ZZZ3: variants seen among roughly 807,000 people sequenced by gnomAD.
ZZZ3 encodes ZZ-type zinc finger-containing protein 3.
ZZZ3 carries 22 observed loss-of-function variants against 95.2 expected under a neutral mutation model. The ratio of observed to expected loss-of-function variants is 0.23; its 90% CI spans 0.17 to 0.33. ZZZ3 has a LOEUF of 0.33. ZZZ3 is among the 10% of genes least tolerant of loss of function. The probability of loss-of-function intolerance (pLI) is 1.00; values close to 1 mark genes in which losing one functional copy is unlikely to be tolerated. For synonymous variants in ZZZ3, 335 were observed against 358.9 expected (o/e 0.93, Z 0.75); for missense variants, 885 against 1,066.5 (o/e 0.83, Z 2.37).
chr1:77,651,382 A>C (rs994541047), intron 1 of ZZZ3, among the ~76,000 whole-genome samples: 2 of 152,132 alleles, frequency 1.3e-5, no homozygotes, highest in Non-Finnish European at 2.9e-5. Flanking sequence ...ATCTGTCTTT[A>C]AAAATAAAAA....
At chr1:77,566,802 C>G (rs1456384517) in intron 13 of ZZZ3, among the ~76,000 whole-genome samples, 1 of 152,164 alleles carries the variant, frequency 6.6e-6, no homozygotes, top group South Asian at 2.1e-4. Flanking sequence ...TCTTTCTCAG[C>G]GTGGTGGCAT....
intron 13 of ZZZ3, among the ~76,000 whole-genome samples, chr1:77,567,157 A>C (rs903102094): frequency 5.9e-5 from 9 of 152,296 alleles, no homozygotes; most frequent in Non-Finnish European, 8.8e-5. Flanking sequence ...GCACCCACCA[A>C]CACCACCAAG....
chr1:77,602,667 G>A (rs534016153), intron 5 of ZZZ3, among the ~76,000 whole-genome samples: 9 of 148,008 alleles, frequency 6.1e-5, no homozygotes, highest in East Asian at 4.0e-4. Context: ...GTGCAATGGC[G>A]TGATCAGGGC....
chr1:77,584,820 T>A lies in ZZZ3; in HGVS notation c.1506-165A>T, dbSNP rs548400520. The A allele has an allele frequency of 2.2e-3, 942 of 430,218 alleles. 2 individuals are homozygous for A. Among genetic ancestry groups the A allele is most frequent in the South Asian group, 0.017 (174 of 10,350 alleles). 26.7% of individuals were successfully genotyped at this position (430,218 alleles called of 1,614,324 possible). ...GGGAATAAATGAGGTCTTCCTGAGT[T>A]ACGAAGTACCTACAGAAAATAAGAG... On this transcript the variant is annotated intron_variant, in intron 5 of 14. Coordinates refer to ENST00000370801, the MANE Select transcript of ZZZ3 (RefSeq NM_015534.6).
chr1:77,659,384 C>G (rs1279542715), intron 1 of ZZZ3, among the ~76,000 whole-genome samples: 1 of 151,596 alleles, frequency 6.6e-6, no homozygotes, highest in Non-Finnish European at 1.5e-5. Flanking sequence ...ACCAGTTGAT[C>G]CAGGTGTGGT....
chr1:77,580,080 T>C (rs1662354182), intron 9 of ZZZ3: 1 of 152,864 alleles, frequency 6.5e-6, no homozygotes, highest in Non-Finnish European at 1.5e-5. Context: ...TTCTTTTGTA[T>C]GGTCCTTTAT....
At chr1:77,599,830 A>G (rs1664564154) in intron 5 of ZZZ3, among the ~76,000 whole-genome samples, 1 of 152,140 alleles carries the variant, frequency 6.6e-6, no homozygotes, top group South Asian at 2.1e-4. Flanking sequence ...GTCATCCATA[A>G]TTTAAAAGTT....
chr1:77,595,512 A>C (rs1472661073), intron 5 of ZZZ3, among the ~76,000 whole-genome samples: 1 of 152,048 alleles, frequency 6.6e-6, no homozygotes, highest in Non-Finnish European at 1.5e-5. Context: ...TCTTCTACAA[A>C]ATAGGAGACT....
Position 77,576,219 on chromosome 1 carries a change from G to A in ZZZ3, c.2180C>T (p.Ser727Phe), listed in dbSNP as rs773600699. ...TPNLYIYSKK[S>F]STSRRQHPLN... ...AGGGTGCTGTCGTCTGCTTGTTGAA[G>A]ACTAAGTAAGAAAACAAATTTTTAA... The change falls in exon 12 of 15, where the codon TCT (serine) becomes TTT (phenylalanine). Residue 727 changes from serine (S) to phenylalanine (F), a missense_variant and splice_region_variant. Around this residue, in one of 5 missense-constraint regions of ZZZ3, gnomAD observed 221 missense variants for 247.8 expected, o/e 0.89. Coordinates refer to ENST00000370801, the MANE Select transcript of ZZZ3 (RefSeq NM_015534.6). The A allele has an allele frequency of 1.9e-6, 3 of 1,572,296 alleles. No homozygotes were observed. The East Asian group carries it at 6.8e-5, about 35-fold the overall frequency.
At chr1:77,575,353 T>C (rs1661823242) in intron 12 of ZZZ3, among the ~76,000 whole-genome samples, 1 of 152,182 alleles carries the variant, frequency 6.6e-6, no homozygotes, top group Non-Finnish European at 1.5e-5. Context: ...TAACATCTAA[T>C]GAATTAATCA....
intron 5 of ZZZ3, among the ~76,000 whole-genome samples, chr1:77,613,060 T>C: frequency 6.6e-6 from 1 of 152,094 alleles, no homozygotes; most frequent in Non-Finnish European, 1.5e-5. Context: ...ATCTACACAA[T>C]AAAATTTATT....
intron 11 of ZZZ3, among the ~76,000 whole-genome samples, chr1:77,578,046 A>C (rs967477771): frequency 1.3e-5 from 2 of 152,150 alleles, no homozygotes; most frequent in Admixed American, 6.6e-5. Context: ...TGGTTCCCAG[A>C]CTTAGCAGCT....
intron 5 of ZZZ3, among the ~76,000 whole-genome samples, chr1:77,596,700 A>G (rs1429586722): frequency 6.6e-6 from 1 of 151,966 alleles, no homozygotes. Context: ...CTAGTTGATA[A>G]GAGTTTTTCA....
intron 5 of ZZZ3, among the ~76,000 whole-genome samples, chr1:77,609,542 G>A (rs564930761): frequency 8.9e-4 from 136 of 152,136 alleles, no homozygotes; most frequent in Non-Finnish European, 1.1e-3. Flanking sequence ...CGACCAAATG[G>A]ACCTAACAGA....
chr1:77,675,907 T>C (rs890708204), intron 1 of ZZZ3, among the ~76,000 whole-genome samples: 21 of 152,194 alleles, frequency 1.4e-4, no homozygotes, highest in Non-Finnish European at 1.6e-4. Context: ...CCTGAATGTC[T>C]ATGCTATTAA....
At chr1:77,581,941 T>C (rs1662569599) in intron 7 of ZZZ3, 38 bp downstream of exon 7, 3 of 1,603,364 alleles carry the variant, frequency 1.9e-6, no homozygotes, top group Non-Finnish European at 1.7e-6. Flanking sequence ...CATTGCCAGA[T>C]ATTTTTCTAC....
chr1:77,664,454 C>T (rs1023293278), intron 1 of ZZZ3, among the ~76,000 whole-genome samples: 1 of 152,144 alleles, frequency 6.6e-6, no homozygotes, highest in Non-Finnish European at 1.5e-5. Flanking sequence ...ATCTATATTC[C>T]CCATTCAATT....
intron 5 of ZZZ3, among the ~76,000 whole-genome samples, chr1:77,603,902 G>A (rs1490410541): frequency 1.3e-5 from 2 of 152,216 alleles, no homozygotes; most frequent in East Asian, 3.9e-4. Flanking sequence ...AGCAGCTCAT[G>A]CCTATAATCC....
upstream of ZZZ3, among the ~76,000 whole-genome samples, chr1:77,682,915 A>G (rs1184159079): frequency 6.6e-6 from 1 of 152,212 alleles, no homozygotes; most frequent in Non-Finnish European, 1.5e-5. Flanking sequence ...CTACATAAAC[A>G]GAGCGCAGTG....
Sources: gnomAD v4.1 joint callset for allele counts (sites outside exome capture counted in the v4.1 genomes callset) on GRCh38, gnomAD v4.1.1 for gene constraint, gnomAD v4.1.1 regional missense constraint, MANE v1.5 for transcripts, NCBI Gene and HGNC (gene_info 2026-07-23, HGNC 2026-07-21) for gene names.